The following RYR1 variants were observed in gnomAD, a reference collection of about 807,000 sequenced individuals.
RYR1 encodes the protein central core disease of muscle.
In RYR1, 342 loss-of-function variants were observed where a neutral mutation model predicts 583.5. The ratio of observed to expected loss-of-function variants is 0.59; its 90% CI spans 0.54 to 0.64. The LOEUF is 0.64. Ranked by LOEUF, RYR1 falls within the 30% of genes least tolerant of loss-of-function variation. The probability of loss-of-function intolerance (pLI) is 0.00; values close to 1 mark genes in which losing one functional copy is unlikely to be tolerated. For synonymous variants in RYR1, 2,791 were observed against 2,822.5 expected, an observed-to-expected ratio of 0.99 and a Z score of 0.35; for missense variants, 6,032 against 6,917.2, an observed-to-expected ratio of 0.87 and a Z score of 4.54.
intron 93 of RYR1, among the ~76,000 whole-genome samples, chr19:38,570,279 C>G (rs1973655906): frequency 6.6e-6 from 1 of 152,042 alleles, no homozygotes; most frequent in South Asian, 2.1e-4. Flanking sequence ...TGGTGAAACC[C>G]TGTCTCTACT....
intron 39 of RYR1, among the ~76,000 whole-genome samples, chr19:38,495,555 C>T (rs1208058304): frequency 6.6e-6 from 1 of 152,104 alleles, no homozygotes; most frequent in Non-Finnish European, 1.5e-5. Flanking sequence ...CTATGTTGCC[C>T]AGGCTGGTCT....
intron 27 of RYR1, 120 bp from the exon 28 acceptor site, chr19:38,473,251 CCCTTGA>C (rs1448661635): frequency 1.7e-6 from 2 of 1,205,928 alleles, no homozygotes; most frequent in Admixed American, 3.4e-5. Context: ...GAGTGGGGGG[CCCTTGA>C]CTAATTCCCA....
chr19:38,497,374 A>C (rs904721767), intron 42 of RYR1, among the ~76,000 whole-genome samples: 2 of 152,038 alleles, frequency 1.3e-5, no homozygotes, highest in African/African-American at 2.4e-5. Context: ...CCGAGCTTCC[A>C]CTTCTGTGTA....
chr19:38,453,114 C>G, intron 13 of RYR1, 100 bp downstream of exon 13: 9 of 1,251,178 alleles, frequency 7.2e-6, no homozygotes, highest in South Asian at 5.2e-5. Flanking sequence ...CCTGAGGGAC[C>G]TGGGGAAGTA....
intron 89 of RYR1, among the ~76,000 whole-genome samples, chr19:38,557,448 C>T (rs1315639872): frequency 6.6e-6 from 1 of 152,188 alleles, no homozygotes; most frequent in African/African-American, 2.4e-5. Flanking sequence ...GTGGTAAGCC[C>T]TGTAAACCGG....
Position 38,502,804 on chromosome 19 carries a change from CAGGGGGAGG to C in RYR1, c.7836-73_7836-65del. On this transcript the variant is annotated intron_variant, in intron 48 of 105. Coordinates refer to ENST00000359596, the MANE Select transcript of RYR1 (RefSeq NM_000540.3). ...GCAGGGGCAGGGGCAGGGGCAGGGG[CAGGGGGAGG>C]AGCAGGGGCAGGGGCAGCAGAGCGG... The C allele has an allele frequency of 2.3e-5, 20 of 861,440 alleles. 1 individual carries two copies. The East Asian group carries it at 2.6e-4, about 11-fold the overall frequency. 53.4% of individuals were successfully genotyped at this position (861,440 alleles called of 1,614,324 possible). A position where few individuals can be genotyped will look rare whatever the true frequency, so the allele number is the denominator to read the frequency against.
At chr19:38,560,801 T>A (rs1033370803) in intron 89 of RYR1, among the ~76,000 whole-genome samples, 1 of 149,310 alleles carries the variant, frequency 6.7e-6, no homozygotes, top group Non-Finnish European at 1.5e-5. Context: ...GGAGGATCCC[T>A]TGAGCCCAGG....
Position 38,458,175 on chromosome 19 carries a change from G to C in RYR1, c.2050G>C (p.Gly684Arg), listed in dbSNP as rs747177274. ...AGCTCAGGCCACCCACTTGCGGGTG[G>C]GCTGGGCCCTCACCGAGGGCTACAC... Reference protein sequence around the residue: ...LTAQATHLRVGWALTEGYTPY... With the variant: ...LTAQATHLRVRWALTEGYTPY... Residue 684 changes from glycine (G) to arginine (R), a missense_variant, in exon 18 of 106, where the codon GGC becomes CGC. Coordinates refer to ENST00000359596, the MANE Select transcript of RYR1 (RefSeq NM_000540.3). 3 of 1,613,884 alleles carry C rather than the reference G, an allele frequency of 1.9e-6. No individual in the cohort carries two copies. The highest frequency in any genetic ancestry group is 2.5e-6 in the Non-Finnish European group (3 of 1,180,006).
chr19:38,457,945 C>G, intron 17 of RYR1, 106 bp from the exon 18 acceptor site: 3 of 997,192 alleles, frequency 3.0e-6, no homozygotes, highest in Non-Finnish European at 4.6e-6. Flanking sequence ...TCTCTCCCAT[C>G]TCTCTCTCTC....
intron 97 of RYR1, among the ~76,000 whole-genome samples, chr19:38,576,646 T>C (rs1359079104): frequency 6.6e-6 from 1 of 151,844 alleles, no homozygotes; most frequent in East Asian, 2.0e-4. Flanking sequence ...ACTGCATCTC[T>C]ACTAAAAACA....
intron 27 of RYR1, among the ~76,000 whole-genome samples, chr19:38,471,274 A>G (rs921270809): frequency 1.3e-5 from 2 of 152,214 alleles, no homozygotes; most frequent in African/African-American, 2.4e-5. Context: ...CACGCCTGTA[A>G]TCTCAGCACT....
intron 67 of RYR1, among the ~76,000 whole-genome samples, chr19:38,522,620 A>AAGAG (rs34878100): frequency 2.6e-4 from 38 of 148,952 alleles, no homozygotes; most frequent in East Asian, 7.9e-4. Context: ...GAAAGAAAGA[A>AAGAG]AGAGAGAGAG....
intron 30 of RYR1, 86 bp downstream of exon 30, chr19:38,477,956 T>C: frequency 7.3e-7 from 1 of 1,378,578 alleles, no homozygotes; most frequent in Non-Finnish European, 1.0e-6. Flanking sequence ...TGTGGCTGCC[T>C]GGTTGTGGGA....
chr19:38,556,710 T>C (rs892535903), intron 89 of RYR1, among the ~76,000 whole-genome samples: 7 of 152,046 alleles, frequency 4.6e-5, no homozygotes, highest in Admixed American at 1.3e-4. Context: ...TAAAAAATGA[T>C]TAGCTCGACA....
Position 38,463,504 on chromosome 19 carries a change from G to A in RYR1, c.2659G>A (p.Glu887Lys), listed in dbSNP as rs766827383. The A allele has an allele frequency of 2.1e-5, 34 of 1,612,870 alleles. No individual in the cohort carries two copies. The Admixed American group carries it at 2.7e-4, about 13-fold the overall frequency. Residue 887 changes from glutamate (E) to lysine (K), a missense_variant, in exon 21 of 106, where the codon GAG becomes AAG. Around this residue, in one of 11 missense-constraint regions of RYR1, gnomAD observed 2,627 missense variants for 2,961.3 expected, o/e 0.89. Transcript: ENST00000359596. ...CGAGCTCTGGGCGCTAACCCGCATCGAGCAGGGCTGGACCTACGGCCCGGT... is the reference window on the plus strand; with the variant it reads ...CGAGCTCTGGGCGCTAACCCGCATCAAGCAGGGCTGGACCTACGGCCCGGT... ...IHELWALTRIEQGWTYGPVRD... is the reference protein window; with the variant it reads ...IHELWALTRIKQGWTYGPVRD...
intron 53 of RYR1, 122 bp downstream of exon 53, chr19:38,505,520 C>G (rs1174632903): frequency 1.2e-6 from 1 of 811,346 alleles, no homozygotes; most frequent in African/African-American, 1.7e-5. Flanking sequence ...TTAGGTCTCC[C>G]CATTCATGGA....
intron 58 of RYR1, among the ~76,000 whole-genome samples, chr19:38,509,458 T>A (rs868009097): frequency 0.011 from 1,579 of 146,262 alleles, 13 homozygotes; most frequent in Non-Finnish European, 0.014. Flanking sequence ...TTATTTTTTT[T>A]TTTTTTTTTT....
intron 90 of RYR1, among the ~76,000 whole-genome samples, chr19:38,564,601 T>A (rs975526498): frequency 6.7e-6 from 1 of 150,334 alleles, no homozygotes; most frequent in African/African-American, 2.5e-5. Context: ...CATGGCAACC[T>A]CCGCCTCCCG....
chr19:38,462,818 C>T (rs556276870), intron 20 of RYR1, among the ~76,000 whole-genome samples: 1 of 151,818 alleles, frequency 6.6e-6, no homozygotes, highest in East Asian at 1.9e-4. Context: ...CAGCCCCAGG[C>T]CCTGCCCTCA....
Sources: allele counts gnomAD v4.1 joint callset (sites outside exome capture counted in the v4.1 genomes callset), GRCh38; gene constraint gnomAD v4.1.1; regional missense constraint gnomAD v4.1.1; transcripts MANE v1.5; gene names NCBI Gene and HGNC (gene_info 2026-07-23, HGNC 2026-07-21).